The following OR2L13 variants were observed in gnomAD, a reference collection of about 807,000 sequenced individuals.
OR2L13 encodes the protein olfactory receptor family 2 subfamily L member 13.
Under a neutral mutation model 15.3 loss-of-function variants are expected in OR2L13, and 14 were observed. The ratio of observed to expected loss-of-function variants is 0.91; its 90% CI spans 0.60 to 1.43. The LOEUF (loss-of-function observed/expected upper bound fraction) is 1.43, where lower values mean the gene tolerates loss of function less well. Among genes scored for constraint, OR2L13 ranks in the 40% most tolerant of loss-of-function variants. The pLI is 0.00. For missense variants in OR2L13, 367 were observed against 387.9 expected, an observed-to-expected ratio of 0.95 and a Z score of 0.45; for synonymous variants, 152 against 142.9, an observed-to-expected ratio of 1.06 and a Z score of -0.45.
chr1:248,016,043 A>G, the OR2L13 span, among the ~76,000 whole-genome samples: 3 of 152,292 alleles, frequency 2.0e-5, no homozygotes, highest in East Asian at 1.9e-4. Context: ...TGATTCAGCT[A>G]TTCTTCCTTA....
At chr1:247,995,247 C>CT in the OR2L13 span, among the ~76,000 whole-genome samples, 1 of 152,212 alleles carries the variant, frequency 6.6e-6, no homozygotes, top group Middle Eastern at 3.2e-3. Flanking sequence ...TTGTTAAACT[C>CT]TATCTTTCCC....
the OR2L13 span, among the ~76,000 whole-genome samples, chr1:248,086,703 C>A: frequency 0.065 from 9,921 of 151,964 alleles, 1,090 homozygotes; most frequent in African/African-American, 0.23. Flanking sequence ...AGAATGTGAA[C>A]AAATGCTGAT....
chr1:247,948,043 C>T, the OR2L13 span, among the ~76,000 whole-genome samples: 1 of 152,022 alleles, frequency 6.6e-6, no homozygotes, highest in Non-Finnish European at 1.5e-5. Context: ...AGTGACACTT[C>T]ATGTCTACAA....
the OR2L13 span, chr1:247,965,787 C>T: frequency 6.2e-7 from 1 of 1,600,828 alleles, no homozygotes; most frequent in Non-Finnish European, 8.5e-7. Context: ...TGCTTATGAG[C>T]AAGAAGATCT....
chr1:248,094,182 G>T (rs1245129400), upstream of OR2L13, among the ~76,000 whole-genome samples: 1 of 151,954 alleles, frequency 6.6e-6, no homozygotes, highest in Non-Finnish European at 1.5e-5. Context: ...TGTACCTCAT[G>T]AATATATGCA....
At chr1:247,975,135 C>T in the OR2L13 span, 1 of 392,778 alleles carries the variant, frequency 2.5e-6, no homozygotes, top group Non-Finnish European at 5.1e-6. Flanking sequence ...CTCCACTATC[C>T]CATCCATATG....
chr1:248,042,018 G>A, the OR2L13 span: 1 of 152,056 alleles, frequency 6.6e-6, no homozygotes, highest in East Asian at 1.9e-4. Flanking sequence ...TATAACCAAA[G>A]GACTATAAAT....
upstream of OR2L13, chr1:248,095,112 A>T (rs531481735): frequency 1.1e-4 from 17 of 152,340 alleles, no homozygotes; most frequent in East Asian, 3.3e-3. Flanking sequence ...CTGGAGATCA[A>T]TTAGAGGAGA....
At chr1:247,994,802 G>A in the OR2L13 span, among the ~76,000 whole-genome samples, 1 of 152,112 alleles carries the variant, frequency 6.6e-6, no homozygotes, top group African/African-American at 2.4e-5. Flanking sequence ...GTTGAGTGTG[G>A]TAATCATTTC....
the OR2L13 span, among the ~76,000 whole-genome samples, chr1:248,067,508 C>T: frequency 6.6e-6 from 1 of 152,162 alleles, no homozygotes; most frequent in East Asian, 1.9e-4. Context: ...AATATGAGGG[C>T]TGGCAGCCAA....
upstream of OR2L13, chr1:248,095,286 A>T (rs1351346618): frequency 6.6e-6 from 1 of 152,242 alleles, no homozygotes. Flanking sequence ...TTATCTAAAC[A>T]CTGCATATGC....
chr1:247,949,278 G>T, the OR2L13 span: 1 of 1,614,172 alleles, frequency 6.2e-7, no homozygotes, highest in East Asian at 2.2e-5. Context: ...AAGAGTGTGT[G>T]TGCTGATGAT....
At chr1:248,013,549 A>C in the OR2L13 span, 11 of 152,142 alleles carry the variant, frequency 7.2e-5, no homozygotes, top group African/African-American at 2.7e-4. Context: ...GGACTGGATC[A>C]TGGTTTCTAT....
chr1:248,090,447 ACCCT>A (rs937448573), upstream of OR2L13, among the ~76,000 whole-genome samples: 2 of 151,876 alleles, frequency 1.3e-5, no homozygotes, highest in Non-Finnish European at 2.9e-5. Flanking sequence ...CTCACCTTCC[ACCCT>A]CAAGTAGGCC....
At chr1:248,099,854 T>C in exon 3 of OR2L13, 2 of 1,614,074 alleles carry the variant, frequency 1.2e-6, no homozygotes, top group South Asian at 2.2e-5. Context: ...GCACACACAG[T>C]CTTTGCCCTT....
chr1:247,940,279 T>G, the OR2L13 span, among the ~76,000 whole-genome samples: 2 of 152,178 alleles, frequency 1.3e-5, no homozygotes, highest in Non-Finnish European at 2.9e-5. Flanking sequence ...TTACAAACCC[T>G]TCTAACAATT....
the OR2L13 span, among the ~76,000 whole-genome samples, chr1:247,967,587 G>GT: frequency 2.0e-5 from 3 of 151,934 alleles, no homozygotes; most frequent in Non-Finnish European, 4.4e-5. Flanking sequence ...TACTATTGAT[G>GT]TTTTTTAGTA....
At chr1:247,986,553 C>A in the OR2L13 span, among the ~76,000 whole-genome samples, 1 of 152,090 alleles carries the variant, frequency 6.6e-6, no homozygotes, top group Admixed American at 6.5e-5. Flanking sequence ...TGTGATGCCT[C>A]CAGCTTTGTT....
chr1:248,019,648 C>G, the OR2L13 span, among the ~76,000 whole-genome samples: 1 of 152,298 alleles, frequency 6.6e-6, no homozygotes, highest in South Asian at 2.1e-4. Flanking sequence ...TGAGTAAACT[C>G]AGTTTCGTTT....
Sources: allele counts gnomAD v4.1 joint callset (sites outside exome capture counted in the v4.1 genomes callset), GRCh38; gene constraint gnomAD v4.1.1; transcripts MANE v1.5; gene names NCBI Gene and HGNC (gene_info 2026-07-23, HGNC 2026-07-21).